The following TCAF1 variants were observed in gnomAD, a reference collection of about 807,000 sequenced individuals.
The protein encoded by TCAF1 is TRPM8 channel-associated factor 1.
A neutral mutation model predicts 27.3 loss-of-function variants in TCAF1; 4 were observed. That is an observed-to-expected ratio of 0.15 (90% confidence interval 0.07 to 0.34). The LOEUF (loss-of-function observed/expected upper bound fraction) is 0.34. Ranked by LOEUF, TCAF1 falls within the 10% of genes least tolerant of loss-of-function variation. The probability of loss-of-function intolerance (pLI) is 1.00; values close to 1 mark genes in which losing one functional copy is unlikely to be tolerated. For synonymous variants in TCAF1, 105 were observed against 167.1 expected, an observed-to-expected ratio of 0.63 and a Z score of 2.87; for missense variants, 257 against 425.8, an observed-to-expected ratio of 0.60 and a Z score of 3.49.
chr7:143,870,579 T>A (rs1175703724), intron 2 of TCAF1, among the ~76,000 whole-genome samples: 1 of 152,240 alleles, frequency 6.6e-6, no homozygotes, highest in East Asian at 1.9e-4. Context: ...TATGGTATGA[T>A]TTCAATTCTT....
In TCAF1 at chr7:143,859,954, TACGG is replaced by T. The variant is rs1811850160; in HGVS notation, c.2167+250_2167+253del. 7.0e-5 allele frequency among the ~76,000 whole-genome samples: 2 copies of T among 28,514 alleles called. 1 individual carries two copies. Among genetic ancestry groups the T allele is most frequent in the South Asian group, 2.6e-3 (2 of 760 alleles). The allele number at this position is 28,514 out of a possible 152,430, so 18.7% of individuals were successfully genotyped here. On this transcript the variant is annotated intron_variant, in intron 6 of 8. Coordinates refer to ENST00000479870, the MANE Select transcript of TCAF1 (RefSeq NM_014719.3). ...ATAATATATATTATATAATATATAT[TACGG>T]AATATATATTATATAATATATATTA...
At chr7:143,874,987 T>C (rs1305408206) in intron 2 of TCAF1, among the ~76,000 whole-genome samples, 1 of 152,190 alleles carries the variant, frequency 6.6e-6, no homozygotes, top group Non-Finnish European at 1.5e-5. Context: ...GCTAAAATGA[T>C]ACGAGTCATC....
chr7:143,888,447 T>C (rs1813513074), intron 1 of TCAF1, among the ~76,000 whole-genome samples: 1 of 152,224 alleles, frequency 6.6e-6, no homozygotes, highest in African/African-American at 2.4e-5. Context: ...CAAAGGGGTA[T>C]TCCAACAGGG....
intron 7 of TCAF1, 30 bp downstream of exon 7, chr7:143,858,793 TC>T: frequency 3.3e-6 from 2 of 604,748 alleles, no homozygotes. Flanking sequence ...GCAGTAGGGG[TC>T]CCCCATCACC....
Position 143,867,430 on chromosome 7 carries a change from G to C in TCAF1, c.621-3634C>G, listed in dbSNP as rs201591138. Among the ~76,000 whole-genome samples, 26 of 151,334 alleles carry C rather than the reference G, an allele frequency of 1.7e-4. No homozygotes were observed. In the South Asian group the frequency reaches 5.1e-3, roughly 30 times the overall value. ...ACTGTACTTCAGCCTGAGACAGAAAGGGAGACCCTGTCTCAAAAAACAAAA... is the reference window on the plus strand; with the variant it reads ...ACTGTACTTCAGCCTGAGACAGAAACGGAGACCCTGTCTCAAAAAACAAAA... On this transcript the variant is annotated intron_variant, in intron 2 of 8. Transcript: ENST00000479870.
intron 1 of TCAF1, among the ~76,000 whole-genome samples, chr7:143,887,461 A>G (rs1484240014): frequency 6.6e-6 from 1 of 152,046 alleles, no homozygotes; most frequent in Non-Finnish European, 1.5e-5. Flanking sequence ...TTGAGCAGTA[A>G]TTTTTTTCTT....
intron 1 of TCAF1, among the ~76,000 whole-genome samples, chr7:143,887,259 C>T (rs1813451692): frequency 6.6e-6 from 1 of 152,098 alleles, no homozygotes; most frequent in Non-Finnish European, 1.5e-5. Context: ...AATTAAAAAT[C>T]CATATCAAAA....
At chr7:143,866,932 CA>C (rs1379430493) in intron 2 of TCAF1, among the ~76,000 whole-genome samples, 1 of 119,022 alleles carries the variant, frequency 8.4e-6, no homozygotes, top group African/African-American at 3.0e-5. Flanking sequence ...AAGAAATTGC[CA>C]AACCGTCTTC....
intron 1 of TCAF1, among the ~76,000 whole-genome samples, chr7:143,889,616 G>C (rs981329635): frequency 1.3e-5 from 2 of 152,228 alleles, no homozygotes; most frequent in Non-Finnish European, 1.5e-5. Flanking sequence ...CAGAATCAAA[G>C]CAATGGCTAC....
intron 1 of TCAF1, among the ~76,000 whole-genome samples, chr7:143,880,478 AT>A (rs1175828422): frequency 1.3e-5 from 2 of 152,356 alleles, no homozygotes; most frequent in East Asian, 3.9e-4. Flanking sequence ...CATTGATTAC[AT>A]TAGGAAGGAA....
rs1363508906 is a variant in TCAF1, at chr7:143,876,409, T to A, written c.200A>T (p.Tyr67Phe). The A allele has an allele frequency of 6.2e-7, 1 of 1,613,720 alleles. No homozygotes were observed. Among genetic ancestry groups the A allele is most frequent in the East Asian group, 2.2e-5 (1 of 44,856 alleles). ...GGGCGTGAGCTGGGCTTCCACCAAGTAGTCCTCATGGGACACGACCACCAG... is the reference window on the plus strand; with the variant it reads ...GGGCGTGAGCTGGGCTTCCACCAAGAAGTCCTCATGGGACACGACCACCAG... Reference protein sequence around the residue: ...GRLVVVSHEDYLVEAQLTPFL... With the variant: ...GRLVVVSHEDFLVEAQLTPFL... Residue 67 changes from tyrosine (Y) to phenylalanine (F), a missense_variant, in exon 2 of 9, where the codon TAC (tyrosine) becomes TTC (phenylalanine). Tyr to Phe is a conservative substitution (Grantham distance 22, BLOSUM62 3). Coordinates refer to ENST00000479870, the MANE Select transcript of TCAF1 (RefSeq NM_014719.3).
chr7:143,893,168 A>G (rs1016509745), intron 1 of TCAF1, among the ~76,000 whole-genome samples: 4 of 152,194 alleles, frequency 2.6e-5, no homozygotes, highest in African/African-American at 9.6e-5. Flanking sequence ...AGCAAGTGTT[A>G]CTGTAGATAT....
intron 1 of TCAF1, among the ~76,000 whole-genome samples, chr7:143,887,277 G>A (rs547300306): frequency 7.9e-5 from 12 of 152,124 alleles, no homozygotes; most frequent in African/African-American, 2.2e-4. Context: ...AAAATATTAC[G>A]CAATTCTTTA....
chr7:143,882,747 G>C (rs2116815809), intron 1 of TCAF1: 1 of 985,826 alleles, frequency 1.0e-6, no homozygotes, highest in Non-Finnish European at 1.2e-6. Context: ...AGGTCACCCT[G>C]CGATTTCCAC....
chr7:143,901,612 A>C (rs944941240), intron 1 of TCAF1, among the ~76,000 whole-genome samples: 1 of 152,150 alleles, frequency 6.6e-6, no homozygotes, highest in African/African-American at 2.4e-5. Context: ...GGCTTAACGG[A>C]GACAAGCTAG....
chr7:143,893,040 G>A (rs1384551856), intron 1 of TCAF1, among the ~76,000 whole-genome samples: 2 of 152,054 alleles, frequency 1.3e-5, no homozygotes, highest in Non-Finnish European at 2.9e-5. Flanking sequence ...TAGAAAAAGA[G>A]TTCATTTAGA....
rs1486077392 is a variant in TCAF1, at chr7:143,876,624, TGCA to T, written c.-14-5_-14-3del. 1 of 1,484,980 alleles carries T rather than the reference TGCA, an allele frequency of 6.7e-7. No individual in the cohort carries two copies. Among genetic ancestry groups the T allele is most frequent in the Non-Finnish European group, 8.9e-7 (1 of 1,118,000 alleles). 92.0% of individuals were successfully genotyped at this position (1,484,980 alleles called of 1,614,324 possible). A position where few individuals can be genotyped will look rare whatever the true frequency, so the allele number is the denominator to read the frequency against. ...GAGTCGCCATGGCTCTATTGGTTTC[TGCA>T]GAGAAGAAAGCAAAGGCTCAGCTTA... On this transcript the variant is annotated splice_polypyrimidine_tract_variant and splice_region_variant and intron_variant, in intron 1 of 8. Transcript: ENST00000479870.
At chr7:143,881,121 G>T (rs1468844688) in intron 1 of TCAF1, among the ~76,000 whole-genome samples, 2 of 152,202 alleles carry the variant, frequency 1.3e-5, no homozygotes, top group African/African-American at 4.8e-5. Flanking sequence ...TTTGAGAGAT[G>T]CGTGGAAGGG....
At chr7:143,883,749 C>T (rs1241070115) in intron 1 of TCAF1, among the ~76,000 whole-genome samples, 1 of 152,184 alleles carries the variant, frequency 6.6e-6, no homozygotes, top group South Asian at 2.1e-4. Context: ...AAGTGATCCG[C>T]CCGCCTCGGC....
Sources: gnomAD v4.1 joint callset for allele counts (sites outside exome capture counted in the v4.1 genomes callset) on GRCh38, gnomAD v4.1.1 for gene constraint, MANE v1.5 for transcripts, NCBI Gene and HGNC (gene_info 2026-07-23, HGNC 2026-07-21) for gene names.